BCKDHB: variants seen among roughly 807,000 people sequenced by gnomAD.
The protein encoded by BCKDHB is 2-oxoisovalerate dehydrogenase subunit beta, mitochondrial.
BCKDHB carries 41 observed loss-of-function variants against 48.5 expected under a neutral mutation model. The observed-to-expected ratio is 0.85, with a 90% CI of 0.66 to 1.10. The LOEUF is 1.10. BCKDHB is among the 50% of genes least tolerant of loss of function. The pLI, the probability that BCKDHB is intolerant of heterozygous loss-of-function variation, is 0.00. For synonymous variants in BCKDHB, 201 were observed against 174.8 expected (o/e 1.15, Z -1.18); for missense variants, 496 against 494.2 (o/e 1.00, Z -0.03).
the BCKDHB span, among the ~76,000 whole-genome samples, chr6:80,423,634 A>G: frequency 2.6e-5 from 4 of 152,216 alleles, 1 homozygote; most frequent in South Asian, 6.2e-4. Flanking sequence ...TTAGTCACCA[A>G]TTACTATATA....
chr6:80,256,138 A>G (rs1562179464), intron 8 of BCKDHB, among the ~76,000 whole-genome samples: 2 of 152,188 alleles, frequency 1.3e-5, no homozygotes, highest in Admixed American at 6.5e-5. Flanking sequence ...AAAATGATCC[A>G]TGTTATTTAA....
intron 1 of BCKDHB, chr6:80,127,159 T>G (rs998336377): frequency 3.9e-6 from 1 of 253,354 alleles, no homozygotes; most frequent in Non-Finnish European, 7.8e-6. Context: ...ATTTAGCACA[T>G]GCCACTGGTC....
intron 1 of BCKDHB, among the ~76,000 whole-genome samples, chr6:80,119,902 C>T (rs565492479): frequency 1.3e-5 from 2 of 151,314 alleles, no homozygotes; most frequent in Admixed American, 1.3e-4. Context: ...TTCTAGGGTA[C>T]ATGTACACAA....
At chr6:80,240,524 G>A (rs997682167) in intron 8 of BCKDHB, among the ~76,000 whole-genome samples, 8 of 151,926 alleles carry the variant, frequency 5.3e-5, no homozygotes, top group Admixed American at 1.3e-4. Flanking sequence ...TTTTTGTATC[G>A]GACTTTACTG....
chr6:80,425,567 A>T, the BCKDHB span, among the ~76,000 whole-genome samples: 1 of 152,334 alleles, frequency 6.6e-6, no homozygotes, highest in East Asian at 1.9e-4. Flanking sequence ...CTAAAATAGC[A>T]TGTGTGAAAA....
chr6:80,430,361 G>C, the BCKDHB span, among the ~76,000 whole-genome samples: 1 of 152,158 alleles, frequency 6.6e-6, no homozygotes, highest in Non-Finnish European at 1.5e-5. Flanking sequence ...TTGGTATCAG[G>C]ATGATGCTGG....
At chr6:80,405,033 G>A in the BCKDHB span, among the ~76,000 whole-genome samples, 86 of 152,172 alleles carry the variant, frequency 5.7e-4, no homozygotes, top group African/African-American at 2.0e-3. Context: ...GGACTGTTCT[G>A]TGTATGTTCT....
intron 8 of BCKDHB, among the ~76,000 whole-genome samples, chr6:80,247,982 A>G (rs1776683956): frequency 1.3e-5 from 2 of 152,240 alleles, no homozygotes; most frequent in Non-Finnish European, 1.5e-5. Context: ...GGTAATTAAA[A>G]GACCTGCTTG....
At chr6:80,257,820 A>G (rs1301460780) in intron 8 of BCKDHB, among the ~76,000 whole-genome samples, 1 of 152,060 alleles carries the variant, frequency 6.6e-6, no homozygotes, top group Non-Finnish European at 1.5e-5. Context: ...GAGGAAGGAT[A>G]TATCCCAGCC....
intron 9 of BCKDHB, among the ~76,000 whole-genome samples, chr6:80,337,180 A>G (rs1769635163): frequency 6.6e-6 from 1 of 152,108 alleles, no homozygotes; most frequent in Non-Finnish European, 1.5e-5. Context: ...TGTTTTGACT[A>G]TGGGCAAATG....
intron 1 of BCKDHB, among the ~76,000 whole-genome samples, chr6:80,126,075 A>G (rs1411852537): frequency 6.6e-6 from 1 of 152,174 alleles, no homozygotes; most frequent in Non-Finnish European, 1.5e-5. Context: ...ATGTGGTATG[A>G]TTGTATATCT....
the BCKDHB span, among the ~76,000 whole-genome samples, chr6:80,403,603 T>C: frequency 6.6e-6 from 1 of 151,942 alleles, no homozygotes; most frequent in Non-Finnish European, 1.5e-5. Context: ...TGACTAAAAC[T>C]TCCAGTACCA....
At chr6:80,134,302 G>A (rs1270529350) in intron 3 of BCKDHB, among the ~76,000 whole-genome samples, 2 of 152,162 alleles carry the variant, frequency 1.3e-5, no homozygotes, top group African/African-American at 4.8e-5. Flanking sequence ...CACCACAGGT[G>A]TGGCCTGTCA....
At chr6:80,278,235 CAGG>C (rs1312870779) in intron 9 of BCKDHB, among the ~76,000 whole-genome samples, 1 of 152,100 alleles carries the variant, frequency 6.6e-6, no homozygotes, top group Non-Finnish European at 1.5e-5. Context: ...ATAAAACAAT[CAGG>C]AGAAGTATAC....
intron 9 of BCKDHB, among the ~76,000 whole-genome samples, chr6:80,274,728 G>T (rs981152274): frequency 1.3e-5 from 2 of 152,032 alleles, no homozygotes; most frequent in Non-Finnish European, 2.9e-5. Context: ...TTTGCTTTCT[G>T]TAAGTGTGCT....
intron 9 of BCKDHB, among the ~76,000 whole-genome samples, chr6:80,332,365 G>GA (rs962949979): frequency 1.1e-4 from 17 of 151,634 alleles, no homozygotes; most frequent in Non-Finnish European, 2.4e-4. Flanking sequence ...TAATTGCAAA[G>GA]AAAAAAAATG....
At chr6:80,429,299 G>A in the BCKDHB span, among the ~76,000 whole-genome samples, 1 of 152,166 alleles carries the variant, frequency 6.6e-6, no homozygotes, top group South Asian at 2.1e-4. Context: ...TTGAGTTCAG[G>A]TAGCATGATG....
chr6:80,342,447 T>C (rs1769954683), intron 9 of BCKDHB, among the ~76,000 whole-genome samples: 1 of 149,978 alleles, frequency 6.7e-6, no homozygotes, highest in South Asian at 2.1e-4. Flanking sequence ...CAGTCTGGGC[T>C]TGGGGACTCA....
chr6:80,365,713 C>T, the BCKDHB span, among the ~76,000 whole-genome samples: 7 of 151,942 alleles, frequency 4.6e-5, no homozygotes, highest in Admixed American at 6.6e-5. Flanking sequence ...CCTGAGGTGA[C>T]GTACATCCTC....
Sources: gnomAD v4.1 joint callset for allele counts (sites outside exome capture counted in the v4.1 genomes callset) on GRCh38, gnomAD v4.1.1 for gene constraint, MANE v1.5 for transcripts, NCBI Gene and HGNC (gene_info 2026-07-23, HGNC 2026-07-21) for gene names.